CSGALNACT1: variants seen among roughly 807,000 people sequenced by gnomAD.
CSGALNACT1 encodes beta4GalNAcT-1.
In CSGALNACT1, 52 loss-of-function variants were observed where a neutral mutation model predicts 51.0. The observed-to-expected ratio is 1.02, with a 90% CI of 0.82 to 1.29. The LOEUF is 1.29. Among genes scored for constraint, CSGALNACT1 ranks in the 50% most tolerant of loss-of-function variants. CSGALNACT1 has a pLI of 0.00. For missense variants in CSGALNACT1, 935 were observed against 679.2 expected (o/e 1.38, Z -4.19); for synonymous variants, 341 against 254.4 (o/e 1.34, Z -3.24).
chr8:19,693,879 C>T (rs2061454049), intron 1 of CSGALNACT1, among the ~76,000 whole-genome samples: 1 of 152,168 alleles, frequency 6.6e-6, no homozygotes, highest in African/African-American at 2.4e-5. Flanking sequence ...AGTTAACACA[C>T]ACTCTGAGGA....
At chr8:19,688,568 A>G (rs534516190) in intron 1 of CSGALNACT1, among the ~76,000 whole-genome samples, 2 of 152,344 alleles carry the variant, frequency 1.3e-5, no homozygotes, top group South Asian at 2.1e-4. Flanking sequence ...TGTCACATAC[A>G]TGATAGAAAC....
intron 4 of CSGALNACT1, among the ~76,000 whole-genome samples, chr8:19,463,893 C>G (rs957792273): frequency 4.6e-5 from 7 of 152,306 alleles, no homozygotes; most frequent in Middle Eastern, 3.4e-3. Flanking sequence ...AGACAGAGAT[C>G]TGTAATCTAT....
intron 1 of CSGALNACT1, among the ~76,000 whole-genome samples, chr8:19,676,034 G>A (rs1025147724): frequency 1.4e-5 from 2 of 142,422 alleles, no homozygotes; most frequent in South Asian, 2.3e-4. Context: ...GATCGAGACA[G>A]AACTACTTGC....
intron 8 of CSGALNACT1, among the ~76,000 whole-genome samples, chr8:19,412,127 C>G (rs2055900398): frequency 6.6e-6 from 1 of 152,168 alleles, no homozygotes; most frequent in Non-Finnish European, 1.5e-5. Flanking sequence ...GCCACCGCAC[C>G]CAGCCTGCTA....
chr8:19,661,376 A>G (rs2058730780), intron 1 of CSGALNACT1, among the ~76,000 whole-genome samples: 3 of 152,300 alleles, frequency 2.0e-5, no homozygotes, highest in East Asian at 1.9e-4. Flanking sequence ...GGAATGCTGC[A>G]AAGTCCTAAG....
intron 1 of CSGALNACT1, among the ~76,000 whole-genome samples, chr8:19,672,879 A>G (rs2059902091): frequency 6.6e-6 from 1 of 152,238 alleles, no homozygotes; most frequent in Admixed American, 6.5e-5. Context: ...TCATCACTTG[A>G]AGCTGCTTCA....
chr8:19,612,989 G>C lies in CSGALNACT1; in HGVS notation c.-543-11124C>G, dbSNP rs537424024. 8.5e-5 allele frequency among the ~76,000 whole-genome samples: 9 copies of C among 105,488 alleles called. No homozygotes were observed. The East Asian group carries it at 2.5e-3, about 29-fold the overall frequency. 69.2% of individuals were successfully genotyped at this position (105,488 alleles called of 152,430 possible). Reference sequence around the variant, plus strand: ...AAAAAAAAAAAAAAAAAGCACAGCTGACAGGGAACTTGGTATCTTTAAGAA... The same window carrying C: ...AAAAAAAAAAAAAAAAAGCACAGCTCACAGGGAACTTGGTATCTTTAAGAA... On this transcript the variant is annotated intron_variant, in intron 1 of 9. Coordinates refer to the CSGALNACT1 transcript ENST00000332246.
At chr8:19,704,203 G>C (rs1387875788) in intron 1 of CSGALNACT1, among the ~76,000 whole-genome samples, 1 of 152,096 alleles carries the variant, frequency 6.6e-6, no homozygotes, top group African/African-American at 2.4e-5. Context: ...GAAAAACAAG[G>C]CACTAAACGA....
At chr8:19,592,843 A>G (rs975944072) in intron 2 of CSGALNACT1, among the ~76,000 whole-genome samples, 3 of 152,234 alleles carry the variant, frequency 2.0e-5, no homozygotes, top group African/African-American at 4.8e-5. Flanking sequence ...TAAAGAACAC[A>G]TAAGTTCTTT....
chr8:19,457,659 T>C (rs765680123), intron 5 of CSGALNACT1: 3 of 1,289,570 alleles, frequency 2.3e-6, no homozygotes, highest in Non-Finnish European at 3.0e-6. Flanking sequence ...AGATTTATAA[T>C]TAGACAGTAG....
At chr8:19,538,360 T>TA (rs201790241) in intron 3 of CSGALNACT1, among the ~76,000 whole-genome samples, 5 of 149,916 alleles carry the variant, frequency 3.3e-5, no homozygotes, top group South Asian at 4.2e-4. Flanking sequence ...TTCAACAACA[T>TA]AAAAAAAAAG....
intron 1 of CSGALNACT1, among the ~76,000 whole-genome samples, chr8:19,666,361 T>C (rs1564381389): frequency 6.6e-6 from 1 of 152,144 alleles, no homozygotes; most frequent in East Asian, 1.9e-4. Flanking sequence ...CTCTTCTACT[T>C]CTTCCTATTC....
chr8:19,509,549 G>A (rs1386894125), intron 3 of CSGALNACT1, among the ~76,000 whole-genome samples: 1 of 148,886 alleles, frequency 6.7e-6, no homozygotes, highest in African/African-American at 2.5e-5. Context: ...TTGAACCCGG[G>A]AGGCAGAGGT....
chr8:19,498,862 TCAATG>T (rs1201548730), intron 4 of CSGALNACT1, among the ~76,000 whole-genome samples: 1 of 152,206 alleles, frequency 6.6e-6, no homozygotes, highest in African/African-American at 2.4e-5. Flanking sequence ...GCCTGTAATC[TCAATG>T]CTTTGGGATG....
intron 1 of CSGALNACT1, among the ~76,000 whole-genome samples, chr8:19,689,463 C>A (rs2061167546): frequency 6.6e-6 from 1 of 152,192 alleles, no homozygotes; most frequent in South Asian, 2.1e-4. Flanking sequence ...TAGCCATGCC[C>A]AAGTTGCCTA....
At chr8:19,456,334 T>C (rs1433195632) in intron 5 of CSGALNACT1, among the ~76,000 whole-genome samples, 1 of 152,184 alleles carries the variant, frequency 6.6e-6, no homozygotes, top group Non-Finnish European at 1.5e-5. Context: ...AAGCCTAACA[T>C]GTCCAAGGAC....
At chr8:19,686,943 C>T (rs577714069), upstream of CSGALNACT1, among the ~76,000 whole-genome samples, 1 of 152,308 alleles carries the variant, frequency 6.6e-6, no homozygotes, top group Admixed American at 6.5e-5. Context: ...GGTTCCCTCT[C>T]AGCCTTGGCA....
intron 1 of CSGALNACT1, among the ~76,000 whole-genome samples, chr8:19,692,023 C>T (rs562280127): frequency 6.6e-6 from 1 of 151,228 alleles, no homozygotes; most frequent in South Asian, 2.1e-4. Context: ...GAAACAAACA[C>T]ATAGTTCTTC....
intron 3 of CSGALNACT1, among the ~76,000 whole-genome samples, chr8:19,528,869 G>A (rs75118199): frequency 0.026 from 3,938 of 152,262 alleles, 143 homozygotes; most frequent in East Asian, 0.13. Context: ...TACCCCAAAC[G>A]CTAAGGCTAG....
Sources: gnomAD v4.1 joint callset for allele counts (sites outside exome capture counted in the v4.1 genomes callset) on GRCh38, gnomAD v4.1.1 for gene constraint, MANE v1.5 for transcripts, NCBI Gene and HGNC (gene_info 2026-07-23, HGNC 2026-07-21) for gene names.